Variants in DNAH2 observed in about 807,000 individuals in gnomAD.
DNAH2 encodes the protein axonemal beta dynein heavy chain 2.
In DNAH2, 323 loss-of-function variants were observed where a neutral mutation model predicts 523.5. The observed-to-expected ratio is 0.62, with a 90% CI of 0.56 to 0.68. The LOEUF (loss-of-function observed/expected upper bound fraction) is 0.68, where lower values mean the gene tolerates loss of function less well. Among genes scored for constraint, DNAH2 ranks in the 30% least tolerant of loss-of-function variants. The pLI is 0.00. For synonymous variants in DNAH2, 2,093 were observed against 2,177.4 expected, an observed-to-expected ratio of 0.96 and a Z score of 1.08; for missense variants, 4,907 against 5,701.5, an observed-to-expected ratio of 0.86 and a Z score of 4.49.
At position 7,719,702 on chromosome 17, in the gene DNAH2, C is replaced by T. The variant is rs2074537546; in HGVS notation, c.-14-19C>T. 2 of 1,614,088 alleles carry T rather than the reference C, an allele frequency of 1.2e-6. No homozygotes were observed. Among genetic ancestry groups the T allele is most frequent in the East Asian group, 4.5e-5 (2 of 44,878 alleles). Reference sequence around the variant, plus strand: ...GGGTGGTATCTGCTTGTAGACTCTCCACTCCTGTATACCTGTAGGTTTTGC... The same window carrying T: ...GGGTGGTATCTGCTTGTAGACTCTCTACTCCTGTATACCTGTAGGTTTTGC... On this transcript the variant is annotated intron_variant, in intron 1 of 85. Transcript: ENST00000572933.
At chr17:7,823,717 C>T (rs1186429912) in intron 74 of DNAH2, 89 bp downstream of exon 74, 2 of 1,579,078 alleles carry the variant, frequency 1.3e-6, no homozygotes, top group African/African-American at 1.3e-5. Flanking sequence ...CATCCCCTCT[C>T]CCAGCTGGTG....
At chr17:7,764,320 A>G in intron 20 of DNAH2, 47 bp downstream of exon 20, 1 of 1,558,886 alleles carries the variant, frequency 6.4e-7, no homozygotes, top group South Asian at 1.2e-5. Context: ...TATCAGCAGC[A>G]GATTGCGGGG....
Position 7,733,068 on chromosome 17 carries a change from T to G in DNAH2, c.400-19T>G, listed in dbSNP as rs781348453. The G allele has an allele frequency of 1.9e-6, 3 of 1,612,292 alleles. No homozygotes were observed. The highest frequency in any genetic ancestry group is 2.7e-5 in the African/African-American group (2 of 74,852). On this transcript the variant is annotated intron_variant, in intron 4 of 85. Transcript: ENST00000572933. ...GCTGGGCCTGGAGACTGAACTCTGA[T>G]CTGCTGTCTTCCATGCAGACCCAGA...
chr17:7,797,060 C>T (rs1297609298), intron 50 of DNAH2, 116 bp from the exon 51 acceptor site: 5 of 914,718 alleles, frequency 5.5e-6, no homozygotes, highest in Non-Finnish European at 8.4e-6. Context: ...TGAGATTGCA[C>T]CACTGCAGTC....
chr17:7,823,353 G>GAA lies in DNAH2; in HGVS notation c.11143-88_11143-87insAA. On this transcript the variant is annotated intron_variant, in intron 73 of 85. Coordinates refer to ENST00000572933, the MANE Select transcript of DNAH2 (RefSeq NM_020877.5). Reference sequence around the variant, plus strand: ...ACCGAGAGAGAGAAAAATACAGAGAGAGAGAGAGAGAGAGAGAGGAGAAAA... The same window carrying GAA: ...ACCGAGAGAGAGAAAAATACAGAGAGAAAGAGAGAGAGAGAGAGAGGAGAAAA... The GAA allele has an allele frequency of 2.3e-6, 3 of 1,306,776 alleles. No homozygotes were observed. In the South Asian group the frequency reaches 4.1e-5, roughly 18 times the overall value. The allele number at this position is 1,306,776 out of a possible 1,614,324, so 80.9% of individuals were successfully genotyped here. A position where few individuals can be genotyped will look rare whatever the true frequency, so the allele number is the denominator to read the frequency against.
At chr17:7,779,158 C>A in intron 35 of DNAH2, 85 bp from the exon 36 acceptor site, 2 of 1,520,548 alleles carry the variant, frequency 1.3e-6, no homozygotes, top group Non-Finnish European at 9.0e-7. Context: ...CCTATTGAAA[C>A]ATTTGAAGGA....
chr17:7,751,654 C>G (rs1253740682), intron 12 of DNAH2, among the ~76,000 whole-genome samples: 1 of 152,056 alleles, frequency 6.6e-6, no homozygotes, highest in Non-Finnish European at 1.5e-5. Context: ...ATATTCGTGT[C>G]TATTTTGGGA....
At chr17:7,769,131 G>A (rs539357922) in intron 24 of DNAH2, among the ~76,000 whole-genome samples, 2 of 152,164 alleles carry the variant, frequency 1.3e-5, no homozygotes, top group East Asian at 1.9e-4. Flanking sequence ...AAAGGGAGTT[G>A]TCTATCATGA....
At chr17:7,784,663 T>A (rs7221433) in intron 39 of DNAH2, among the ~76,000 whole-genome samples, 1 of 152,182 alleles carries the variant, frequency 6.6e-6, no homozygotes, top group African/African-American at 2.4e-5. Flanking sequence ...TAAATTTGCC[T>A]CAAAAATGTC....
intron 28 of DNAH2, among the ~76,000 whole-genome samples, chr17:7,774,027 G>A (rs1797181807): frequency 6.6e-6 from 1 of 152,124 alleles, no homozygotes; most frequent in African/African-American, 2.4e-5. Flanking sequence ...ACTGTGCCAG[G>A]CCAGAAGATT....
rs968891818 is a variant in DNAH2, at chr17:7,818,765, T to C, written c.10659T>C (p.Asp3553=). The C allele has an allele frequency of 1.2e-6, 2 of 1,613,738 alleles. No individual in the cohort carries two copies. The highest frequency in any genetic ancestry group is 1.7e-6 in the Non-Finnish European group (2 of 1,179,904). ...AAAGGAAGCTCAAGGAGCTGGAGGA[T>C]GAGATCCTGCGGTGAGGCCCTGCCT... is the stretch of plus-strand genomic sequence containing the variant. ...AGKRKLKELE[D]EILRLLNEAT... is the part of the protein sequence containing the mutation. The change falls in exon 70 of 86, where the codon GAT becomes GAC. Residue 3553 remains aspartate (D), a synonymous_variant. Transcript: ENST00000572933.
chr17:7,777,144 G>GAAAGA (rs781303427), intron 32 of DNAH2, among the ~76,000 whole-genome samples: 73 of 149,556 alleles, frequency 4.9e-4, no homozygotes, highest in African/African-American at 1.2e-3. Flanking sequence ...AAAAAAAAAA[G>GAAAGA]AAAGAAAAGA....
At chr17:7,783,054 CAGG>C (rs980533706) in intron 39 of DNAH2, among the ~76,000 whole-genome samples, 84 of 152,118 alleles carry the variant, frequency 5.5e-4, no homozygotes, top group African/African-American at 2.0e-3. Flanking sequence ...CTGAAGTCTT[CAGG>C]AGGACTGTTT....
chr17:7,816,887 C>G (rs944640025), intron 64 of DNAH2, 152 bp downstream of exon 64: 8 of 981,450 alleles, frequency 8.2e-6, no homozygotes, highest in Admixed American at 2.9e-5. Context: ...TTCCCCTCCC[C>G]CTGCACACCT....
At chr17:7,764,484 A>G (rs1311376773) in intron 20 of DNAH2, among the ~76,000 whole-genome samples, 5 of 149,884 alleles carry the variant, frequency 3.3e-5, no homozygotes, top group Non-Finnish European at 7.4e-5. Flanking sequence ...TTTTTTAAAC[A>G]GAGTCTGGCT....
chr17:7,820,382 G>C (rs2077818955), intron 72 of DNAH2, among the ~76,000 whole-genome samples: 1 of 152,172 alleles, frequency 6.6e-6, no homozygotes, highest in Admixed American at 6.5e-5. Flanking sequence ...TTGGTTGCTT[G>C]GCCCCTGTGG....
In DNAH2 at chr17:7,780,240, A is replaced by G. The variant is rs1488180780; in HGVS notation, c.5806A>G (p.Ile1936Val). 5 of 1,614,012 alleles carry G rather than the reference A, an allele frequency of 3.1e-6. No homozygotes were observed. Among genetic ancestry groups the G allele is most frequent in the Non-Finnish European group, 2.5e-6 (3 of 1,180,022 alleles). ...IAMVVPDSTL[I>V]AEIILFGEGF... Reference sequence around the variant, plus strand: ...CATGGTGGTGCCTGACTCCACCCTCATTGCAGAAATCATTCTCTTTGGAGA... The same window carrying G: ...CATGGTGGTGCCTGACTCCACCCTCGTTGCAGAAATCATTCTCTTTGGAGA... Residue 1936 changes from isoleucine (I) to valine (V), a missense_variant, in exon 37 of 86, where the codon ATT (isoleucine) becomes GTT (valine). By Grantham distance (29) the Ile-to-Val change is conservative. Around this residue, in one of 3 missense-constraint regions of DNAH2, gnomAD observed 2,806 missense variants for 3,190.8 expected, o/e 0.88. Transcript: ENST00000572933. The surrounding 1 kb of genome is among the most constrained non-coding windows in gnomAD (Gnocchi z 4.4).
At chr17:7,758,835 G>C in intron 14 of DNAH2, 50 bp from the exon 15 acceptor site, 9 of 1,606,340 alleles carry the variant, frequency 5.6e-6, no homozygotes, top group Non-Finnish European at 7.7e-6. Context: ...ATGAGGTCCA[G>C]ATGGTCTCTT....
In DNAH2 at chr17:7,768,250, C is replaced by T. The variant is rs1467118031; in HGVS notation, c.3924C>T (p.Asn1308=). ...RTMPLISDLR[N]PALRERHWDQ... ...TGCCTCTCATCTCAGACCTGCGGAACCCTGCCCTTAGAGAGAGGTGAGGCT... is the reference window on the plus strand; with the variant it reads ...TGCCTCTCATCTCAGACCTGCGGAATCCTGCCCTTAGAGAGAGGTGAGGCT... Residue 1308 remains asparagine (N), a synonymous_variant, in exon 24 of 86, where the codon AAC becomes AAT. Transcript: ENST00000572933. The T allele has an allele frequency of 1.2e-6, 2 of 1,614,188 alleles. No homozygotes were observed. The highest frequency in any genetic ancestry group is 8.5e-7 in the Non-Finnish European group (1 of 1,180,036).
Sources: allele counts gnomAD v4.1 joint callset (sites outside exome capture counted in the v4.1 genomes callset), GRCh38; gene constraint gnomAD v4.1.1; regional missense constraint gnomAD v4.1.1; non-coding constraint Gnocchi (gnomAD v3.1); transcripts MANE v1.5; gene names NCBI Gene and HGNC (gene_info 2026-07-23, HGNC 2026-07-21).